The following SLC35G2 variants were observed in gnomAD, a reference collection of about 807,000 sequenced individuals.
SLC35G2 encodes the protein solute carrier family 35 member G2.
SLC35G2 carries 20 observed loss-of-function variants against 27.2 expected under a neutral mutation model. That is an observed-to-expected ratio of 0.74 (90% CI 0.52 to 1.07). The LOEUF (loss-of-function observed/expected upper bound fraction) is 1.07. Ranked by LOEUF, SLC35G2 falls within the 50% of genes least tolerant of loss-of-function variation. The pLI, the probability that SLC35G2 is intolerant of heterozygous loss-of-function variation, is 0.00. For synonymous variants in SLC35G2, 148 were observed against 165.3 expected (o/e 0.90, Z 0.80); for missense variants, 416 against 493.3 (o/e 0.84, Z 1.48).
At chr3:136,849,956 A>C (rs1937573794) in intron 1 of SLC35G2, among the ~76,000 whole-genome samples, 1 of 151,926 alleles carries the variant, frequency 6.6e-6, no homozygotes, top group Admixed American at 6.6e-5. Context: ...AAAATACAAA[A>C]ATTAGCCAGG....
At chr3:136,829,076 G>T (rs966465350) in intron 1 of SLC35G2, among the ~76,000 whole-genome samples, 1 of 152,038 alleles carries the variant, frequency 6.6e-6, no homozygotes, top group Non-Finnish European at 1.5e-5. Context: ...TACATCTATT[G>T]TACTGTCTAC....
At chr3:136,852,899 A>C (rs1035524333) in intron 1 of SLC35G2, among the ~76,000 whole-genome samples, 1 of 151,544 alleles carries the variant, frequency 6.6e-6, no homozygotes, top group Non-Finnish European at 1.5e-5. Flanking sequence ...GTCTAAAAGA[A>C]ATAATAATAT....
intron 1 of SLC35G2, among the ~76,000 whole-genome samples, chr3:136,841,128 C>A (rs1937079751): frequency 6.6e-6 from 1 of 151,910 alleles, no homozygotes; most frequent in African/African-American, 2.4e-5. Context: ...CATGCCCCAC[C>A]CCTCCCCTGG....
At chr3:136,837,023 AT>A (rs1307216297) in intron 1 of SLC35G2, among the ~76,000 whole-genome samples, 1 of 152,176 alleles carries the variant, frequency 6.6e-6, no homozygotes, top group African/African-American at 2.4e-5. Context: ...ATAAAGATTT[AT>A]GGGGTGGTAA....
chr3:136,847,100 C>T (rs1937416766), intron 1 of SLC35G2, among the ~76,000 whole-genome samples: 1 of 152,068 alleles, frequency 6.6e-6, no homozygotes, highest in Admixed American at 6.6e-5. Flanking sequence ...TCACTTGAAC[C>T]TGGGAGGTGG....
At chr3:136,848,591 T>C (rs1937502069) in intron 1 of SLC35G2, among the ~76,000 whole-genome samples, 1 of 152,114 alleles carries the variant, frequency 6.6e-6, no homozygotes, top group Non-Finnish European at 1.5e-5. Context: ...CAAAAAGCCA[T>C]CATAGTCATA....
intron 1 of SLC35G2, among the ~76,000 whole-genome samples, chr3:136,833,005 C>T (rs1259620431): frequency 2.7e-5 from 4 of 149,128 alleles, no homozygotes; most frequent in African/African-American, 7.4e-5. Flanking sequence ...GGAGGCGGAG[C>T]TTGCAGTGAG....
At chr3:136,831,956 G>C (rs1050974574) in intron 1 of SLC35G2, among the ~76,000 whole-genome samples, 2 of 151,242 alleles carry the variant, frequency 1.3e-5, no homozygotes, top group Non-Finnish European at 2.9e-5. Flanking sequence ...ATTCCTGTTA[G>C]AGCTCTCAGG....
intron 1 of SLC35G2, 175 bp downstream of exon 1, chr3:136,819,803 T>G (rs1287187043): frequency 6.6e-6 from 1 of 152,258 alleles, no homozygotes; most frequent in Non-Finnish European, 1.5e-5. Context: ...ATCGACGGTT[T>G]GTAGACATCT....
chr3:136,852,696 T>C lies in SLC35G2; in HGVS notation c.-18-1747T>C, dbSNP rs1045081658. Reference sequence around the variant, plus strand: ...TTAGTAGAGACAGGATTTTACCATGTTGGCCAGGCAGGTCTCGAACTCCTG... The same window carrying C: ...TTAGTAGAGACAGGATTTTACCATGCTGGCCAGGCAGGTCTCGAACTCCTG... On this transcript the variant is annotated intron_variant, in intron 1 of 1. Coordinates refer to ENST00000446465, the MANE Select transcript of SLC35G2 (RefSeq NM_025246.3). 2.0e-5 allele frequency among the ~76,000 whole-genome samples: 3 copies of C among 152,026 alleles called. No homozygotes were observed. The East Asian group carries it at 5.8e-4, about 30-fold the overall frequency.
chr3:136,840,352 C>A (rs559811235), intron 1 of SLC35G2, among the ~76,000 whole-genome samples: 1 of 152,168 alleles, frequency 6.6e-6, no homozygotes, highest in Non-Finnish European at 1.5e-5. Flanking sequence ...TTTGTGCTTC[C>A]GTTAGTACTG....
In SLC35G2 at chr3:136,855,079, G is replaced by A; in HGVS notation, c.619G>A (p.Ala207Thr). The stretch of plus-strand genomic sequence containing the variant: ...GAGAGCCACAACTACAGTCTTCAGT[G>A]CCATTTTGGCTTTTTTACTCGTAGA... ...MWRATTTVFS[A>T]ILAFLLVDEK... is the part of the protein sequence containing the mutation. Residue 207 changes from alanine to threonine, a missense_variant, in exon 2 of 2, where the codon GCC becomes ACC. By Grantham distance (58) the Ala-to-Thr change is moderately conservative. Coordinates refer to ENST00000446465, the MANE Select transcript of SLC35G2 (RefSeq NM_025246.3). 2.5e-6 allele frequency: 4 copies of A among 1,614,176 alleles called. No individual in the cohort carries two copies. The South Asian group carries it at 3.3e-5, about 13-fold the overall frequency.
chr3:136,826,163 A>G (rs1936580864), intron 1 of SLC35G2, among the ~76,000 whole-genome samples: 3 of 151,868 alleles, frequency 2.0e-5, no homozygotes, highest in Non-Finnish European at 4.4e-5. Context: ...CAGCCTCCCA[A>G]GTAGCTGGGA....
chr3:136,829,950 G>A (rs1239526456), intron 1 of SLC35G2, among the ~76,000 whole-genome samples: 2 of 151,706 alleles, frequency 1.3e-5, no homozygotes, highest in African/African-American at 4.9e-5. Context: ...GTACTTGAAC[G>A]TTGATCTCTT....
intron 1 of SLC35G2, among the ~76,000 whole-genome samples, chr3:136,848,575 G>A (rs898520246): frequency 6.6e-6 from 1 of 152,090 alleles, no homozygotes; most frequent in Non-Finnish European, 1.5e-5. Flanking sequence ...AGTGAATCTG[G>A]GGTGACAAAA....
chr3:136,842,698 A>C (rs1337106480), intron 1 of SLC35G2: 1 of 152,270 alleles, frequency 6.6e-6, no homozygotes, highest in Non-Finnish European at 1.5e-5. Context: ...TGTAGAATGC[A>C]GTTCAGGACC....
rs753469152 is a variant in SLC35G2 at position 136,854,491 on chromosome 3, G to A, written c.31G>A (p.Val11Ile). ...TACTTCTCCCTCCAGAAAATATCCA[G>A]TTAAAAAACGGGTGAAAATACATCC... Reference protein sequence around the residue: MDTSPSRKYPVKKRVKIHPNT... With the variant: MDTSPSRKYPIKKRVKIHPNT... Residue 11 changes from valine to isoleucine, a missense_variant, in exon 2 of 2, where the codon GTT becomes ATT. Val to Ile is a conservative substitution (Grantham distance 29, BLOSUM62 3). Coordinates refer to ENST00000446465, the MANE Select transcript of SLC35G2 (RefSeq NM_025246.3). The A allele has an allele frequency of 6.3e-6, 10 of 1,583,108 alleles. No homozygotes were observed. The South Asian group carries it at 1.2e-4, about 18-fold the overall frequency.
At chr3:136,840,344 T>A (rs1193475121) in intron 1 of SLC35G2, among the ~76,000 whole-genome samples, 1 of 152,190 alleles carries the variant, frequency 6.6e-6, no homozygotes, top group African/African-American at 2.4e-5. Context: ...CTGGCACTTT[T>A]GTGCTTCCGT....
At position 136,829,367 on chromosome 3, in the gene SLC35G2, G is replaced by A. The variant is rs371876897; in HGVS notation, c.-19+9739G>A. Among the ~76,000 whole-genome samples, 172 of 151,930 alleles carry A rather than the reference G, an allele frequency of 1.1e-3. 6 individuals are homozygous for A. In the South Asian group the frequency reaches 0.029, roughly 26 times the overall value. The stretch of plus-strand genomic sequence containing the variant: ...CTCCCAAGTAGCTGGGACTTCAGGC[G>A]GCCGCCACTATGCCCGGCTAATTTT... On this transcript the variant is annotated intron_variant, in intron 1 of 1. Transcript: ENST00000446465.
Sources: gnomAD v4.1 joint callset for allele counts (sites outside exome capture counted in the v4.1 genomes callset) on GRCh38, gnomAD v4.1.1 for gene constraint, MANE v1.5 for transcripts, NCBI Gene and HGNC (gene_info 2026-07-23, HGNC 2026-07-21) for gene names.